The following TIAM1 variants were observed in gnomAD, a reference collection of about 807,000 sequenced individuals.
TIAM1 encodes rho guanine nucleotide exchange factor TIAM1.
A neutral mutation model predicts 163.5 loss-of-function variants in TIAM1; 65 were observed. The ratio of observed to expected loss-of-function variants is 0.40; its 90% confidence interval spans 0.33 to 0.49. TIAM1 has a LOEUF of 0.49. Ranked by LOEUF, TIAM1 falls within the 20% of genes least tolerant of loss-of-function variation. TIAM1 has a pLI of 0.77. For synonymous variants in TIAM1, 833 were observed against 810.1 expected (o/e 1.03, Z -0.48); for missense variants, 1,789 against 2,044.7 (o/e 0.87, Z 2.41).
intron 11 of TIAM1, among the ~76,000 whole-genome samples, chr21:31,204,901 G>C (rs2146532066): frequency 6.6e-6 from 1 of 152,298 alleles, no homozygotes; most frequent in African/African-American, 2.4e-5. Flanking sequence ...TAATATGATA[G>C]TTTGCAGCCT....
intron 14 of TIAM1, among the ~76,000 whole-genome samples, chr21:31,185,711 T>G (rs2085272597): frequency 6.7e-6 from 1 of 150,208 alleles, no homozygotes; most frequent in African/African-American, 2.4e-5. Flanking sequence ...TATATACTAT[T>G]ACACACGAAA....
chr21:31,224,699 T>A (rs1195286581), intron 7 of TIAM1, among the ~76,000 whole-genome samples: 1 of 152,144 alleles, frequency 6.6e-6, no homozygotes, highest in Non-Finnish European at 1.5e-5. Flanking sequence ...AATGGTTGAT[T>A]TTACATTGTG....
chr21:31,415,184 A>C (rs565452430), intron 2 of TIAM1, among the ~76,000 whole-genome samples: 5 of 152,316 alleles, frequency 3.3e-5, no homozygotes, highest in African/African-American at 1.2e-4. Flanking sequence ...AGAAAATCCC[A>C]CTATCCCATA....
At chr21:31,301,980 T>C (rs1029102533) in intron 2 of TIAM1, among the ~76,000 whole-genome samples, 4 of 151,200 alleles carry the variant, frequency 2.6e-5, no homozygotes, top group Admixed American at 2.6e-4. Context: ...TGCGTATATA[T>C]ATATGTGCAT....
At chr21:31,151,375 G>C (rs1671396225) in intron 19 of TIAM1, among the ~76,000 whole-genome samples, 1 of 152,190 alleles carries the variant, frequency 6.6e-6, no homozygotes, top group African/African-American at 2.4e-5. Flanking sequence ...GGAAGACAAT[G>C]CAGCAATGAA....
intron 2 of TIAM1, among the ~76,000 whole-genome samples, chr21:31,337,518 GTTATTATTATTA>G (rs55760697): frequency 2.0e-5 from 3 of 147,258 alleles, no homozygotes; most frequent in Non-Finnish European, 3.0e-5. Flanking sequence ...TATTATTGTT[GTTATTATTATTA>G]TTATTATTAT....
chr21:31,245,614 G>T lies in TIAM1; in HGVS notation c.1458C>A (p.Asp486Glu), dbSNP rs1331412496. ...FYESDGRSGI[D>E]HNSIPKHAVW... ...CGGCGTGTTTGGGGATGCTGTTGTG[G>T]TCTATCCCAGACCTGCCGTCGCTCT... is the stretch of plus-strand genomic sequence containing the variant. The change falls in exon 6 of 28, where the codon GAC becomes GAA. Residue 486 changes from aspartate (D) to glutamate (E), a missense_variant. Around this residue, in one of 5 missense-constraint regions of TIAM1, gnomAD observed 456 missense variants for 586.6 expected, o/e 0.78. Coordinates refer to ENST00000541036, the MANE Select transcript of TIAM1 (RefSeq NM_001353694.2). The T allele has an allele frequency of 6.2e-7, 1 of 1,604,196 alleles. No individual in the cohort carries two copies. The highest frequency in any genetic ancestry group is 1.7e-5 in the Admixed American group (1 of 58,580).
chr21:31,314,905 T>A (rs933411821), intron 2 of TIAM1, among the ~76,000 whole-genome samples: 6 of 152,190 alleles, frequency 3.9e-5, no homozygotes, highest in African/African-American at 1.4e-4. Flanking sequence ...GTAAAAATTA[T>A]GTGCAGGGAC....
intron 2 of TIAM1, among the ~76,000 whole-genome samples, chr21:31,403,319 T>C (rs2077196213): frequency 1.3e-5 from 2 of 152,058 alleles, no homozygotes; most frequent in African/African-American, 4.8e-5. Context: ...GGCTAATTTT[T>C]TGTATTTTTA....
intron 2 of TIAM1, among the ~76,000 whole-genome samples, chr21:31,408,089 CAA>C (rs2077280280): frequency 6.6e-6 from 1 of 152,166 alleles, no homozygotes; most frequent in Non-Finnish European, 1.5e-5. Flanking sequence ...TTGCAGAAAA[CAA>C]ATCCAAACTT....
intron 2 of TIAM1, among the ~76,000 whole-genome samples, chr21:31,324,496 C>T (rs1023940713): frequency 1.3e-5 from 2 of 152,194 alleles, no homozygotes; most frequent in Non-Finnish European, 2.9e-5. Context: ...TCTGACAATT[C>T]TATCAGGAAA....
chr21:31,489,657 C>G lies in TIAM1; in HGVS notation c.-421-25622G>C, dbSNP rs1284614333. Among the ~76,000 whole-genome samples, 3 of 145,102 alleles carry G rather than the reference C, an allele frequency of 2.1e-5. No individual in the cohort carries two copies. The East Asian group carries it at 6.3e-4, about 30-fold the overall frequency. The stretch of plus-strand genomic sequence containing the variant: ...TACAACCATGACCTTAGGAAGCCAT[C>G]CTCAGGAAGCCACGCTCACAGCACA... On this transcript the variant is annotated intron_variant, in intron 1 of 28. Coordinates refer to the TIAM1 transcript ENST00000286827.
At chr21:31,446,337 T>C (rs1198102621) in intron 2 of TIAM1, among the ~76,000 whole-genome samples, 1 of 152,154 alleles carries the variant, frequency 6.6e-6, no homozygotes, top group Non-Finnish European at 1.5e-5. Flanking sequence ...AAGATAGGTA[T>C]GTAAGTCCTG....
chr21:31,215,893 G>T (rs1006394663), intron 9 of TIAM1, among the ~76,000 whole-genome samples: 5 of 152,174 alleles, frequency 3.3e-5, no homozygotes, highest in African/African-American at 7.2e-5. Flanking sequence ...AGGCACGGTG[G>T]CCCACGTCTA....
chr21:31,405,044 C>T (rs1028300294), intron 2 of TIAM1, among the ~76,000 whole-genome samples: 2 of 151,870 alleles, frequency 1.3e-5, no homozygotes, highest in Non-Finnish European at 2.9e-5. Context: ...GAGTTTGAGA[C>T]CAACCTGGGC....
chr21:31,123,385 A>C (rs909939454), intron 27 of TIAM1, among the ~76,000 whole-genome samples: 2 of 152,232 alleles, frequency 1.3e-5, no homozygotes, highest in African/African-American at 2.4e-5. Context: ...TGGCGACCCC[A>C]TGCGAAACTG....
At chr21:31,180,741 A>G (rs2084975617) in intron 15 of TIAM1, among the ~76,000 whole-genome samples, 1 of 152,252 alleles carries the variant, frequency 6.6e-6, no homozygotes, top group African/African-American at 2.4e-5. Flanking sequence ...TCTTGTGGTC[A>G]CATGAAATAA....
In TIAM1 at chr21:31,402,229, C is replaced by A. The variant is rs139468919; in HGVS notation, c.-369+61754G>T. On this transcript the variant is annotated intron_variant, in intron 2 of 28. Coordinates refer to the TIAM1 transcript ENST00000286827. ...TCTGTCTCAAAAAAAACAACAACAA[C>A]AAAAAATTGGAATTGAGACACTGTG... Among the ~76,000 whole-genome samples the A allele has an allele frequency of 4.7e-3, 706 of 151,802 alleles. 7 individuals are homozygous for A. The highest frequency in any genetic ancestry group is 0.016 in the African/African-American group (651 of 41,426).
At chr21:31,153,211 A>T (rs562216431) in intron 17 of TIAM1, 77 bp from the exon 18 acceptor site, 1 of 1,207,810 alleles carries the variant, frequency 8.3e-7, no homozygotes, top group African/African-American at 1.5e-5. Context: ...TATAAAGCAT[A>T]TGTTAATGTC....
Sources: allele counts gnomAD v4.1 joint callset (sites outside exome capture counted in the v4.1 genomes callset), GRCh38; gene constraint gnomAD v4.1.1; regional missense constraint gnomAD v4.1.1; transcripts MANE v1.5; gene names NCBI Gene and HGNC (gene_info 2026-07-23, HGNC 2026-07-21).